ZNF475: variants seen among roughly 807,000 people sequenced by gnomAD.
The protein encoded by ZNF475 is zinc finger protein 475.
the ZNF475 span, among the ~76,000 whole-genome samples, chr5:122,179,088 T>A: frequency 6.6e-6 from 1 of 152,204 alleles, no homozygotes; most frequent in Non-Finnish European, 1.5e-5. Context: ...TCTGTTCCAT[T>A]GGTCTATATA....
chr5:122,160,611 G>A, the ZNF475 span, among the ~76,000 whole-genome samples: 1 of 152,114 alleles, frequency 6.6e-6, no homozygotes, highest in Non-Finnish European at 1.5e-5. Context: ...TTGCATTGGC[G>A]CTTCTGTATG....
chr5:122,168,147 C>T, the ZNF475 span, among the ~76,000 whole-genome samples: 6 of 152,288 alleles, frequency 3.9e-5, no homozygotes, highest in Admixed American at 2.6e-4. Context: ...CAGGTTCAAG[C>T]GATTCTCCCG....
At chr5:122,174,755 G>A in the ZNF475 span, among the ~76,000 whole-genome samples, 1 of 152,068 alleles carries the variant, frequency 6.6e-6, no homozygotes, top group African/African-American at 2.4e-5. Context: ...TATATGTGTG[G>A]TTAAATACTG....
chr5:122,177,649 G>A, the ZNF475 span, among the ~76,000 whole-genome samples: 3 of 151,872 alleles, frequency 2.0e-5, no homozygotes, highest in African/African-American at 7.3e-5. Context: ...AGGCTAGTGG[G>A]GATTTTTTTA....
chr5:122,161,177 T>C, the ZNF475 span, among the ~76,000 whole-genome samples: 1 of 152,234 alleles, frequency 6.6e-6, no homozygotes, highest in East Asian at 1.9e-4. Flanking sequence ...ATATTTACTT[T>C]ATAAGGTTGT....
the ZNF475 span, among the ~76,000 whole-genome samples, chr5:122,171,779 C>G: frequency 6.6e-6 from 1 of 151,414 alleles, no homozygotes; most frequent in Non-Finnish European, 1.5e-5. Context: ...CACACTGGTG[C>G]TCACAGTGGA....
chr5:122,168,830 C>T, the ZNF475 span, among the ~76,000 whole-genome samples: 1 of 152,216 alleles, frequency 6.6e-6, no homozygotes, highest in Non-Finnish European at 1.5e-5. Context: ...AAATTGCCCT[C>T]TCTCTATCCA....
the ZNF475 span, among the ~76,000 whole-genome samples, chr5:122,171,192 T>C: frequency 2.0e-5 from 3 of 152,146 alleles, no homozygotes; most frequent in Non-Finnish European, 4.4e-5. Context: ...AATAATTTAG[T>C]CTGCATTATT....
chr5:122,169,209 C>T, the ZNF475 span, among the ~76,000 whole-genome samples: 1 of 152,122 alleles, frequency 6.6e-6, no homozygotes, highest in Admixed American at 6.5e-5. Flanking sequence ...TGAGGGAGTT[C>T]TCCTCTCTCC....
chr5:122,163,634 T>C, the ZNF475 span, among the ~76,000 whole-genome samples: 2 of 152,202 alleles, frequency 1.3e-5, no homozygotes. Context: ...GAAACACTCA[T>C]TGATGGAATG....
chr5:122,161,392 G>A, the ZNF475 span, among the ~76,000 whole-genome samples: 13 of 152,232 alleles, frequency 8.5e-5, no homozygotes, highest in African/African-American at 2.9e-4. Flanking sequence ...CCATGTTAAA[G>A]CTTCAAGTAA....
At chr5:122,164,455 C>A in the ZNF475 span, among the ~76,000 whole-genome samples, 1 of 152,158 alleles carries the variant, frequency 6.6e-6, no homozygotes, top group Non-Finnish European at 1.5e-5. Flanking sequence ...TTGGGTAGAC[C>A]AGGTGAGATG....
the ZNF475 span, among the ~76,000 whole-genome samples, chr5:122,167,848 A>T: frequency 6.6e-6 from 1 of 152,212 alleles, no homozygotes; most frequent in African/African-American, 2.4e-5. Flanking sequence ...TCTACAGATT[A>T]GTTTGGATTT....
At chr5:122,177,931 TCTC>T in the ZNF475 span, among the ~76,000 whole-genome samples, 1 of 152,084 alleles carries the variant, frequency 6.6e-6, no homozygotes, top group East Asian at 1.9e-4. Flanking sequence ...TGTGTGATGT[TCTC>T]CTCCCCATGT....
chr5:122,166,982 C>G, the ZNF475 span, among the ~76,000 whole-genome samples: 2 of 152,210 alleles, frequency 1.3e-5, no homozygotes, highest in Non-Finnish European at 2.9e-5. Flanking sequence ...GTGTTTTAGA[C>G]ATGAAGTCCT....
At chr5:122,179,469 G>A in the ZNF475 span, 3 of 618,320 alleles carry the variant, frequency 4.9e-6, no homozygotes, top group East Asian at 3.0e-5. Flanking sequence ...TCCCTTGTAA[G>A]TTGTATTCCT....
At chr5:122,167,161 G>A in the ZNF475 span, among the ~76,000 whole-genome samples, 4 of 152,286 alleles carry the variant, frequency 2.6e-5, no homozygotes, top group African/African-American at 7.2e-5. Context: ...GAAACTGGTC[G>A]GTTATGTTTC....
chr5:122,165,761 CAAA>C, the ZNF475 span, among the ~76,000 whole-genome samples: 2 of 117,370 alleles, frequency 1.7e-5, no homozygotes, highest in African/African-American at 5.6e-5. Flanking sequence ...ATGCAACCTA[CAAA>C]AAAAAAAAAA....
chr5:122,173,447 CTATT>C, the ZNF475 span, among the ~76,000 whole-genome samples: 2 of 152,266 alleles, frequency 1.3e-5, no homozygotes, highest in African/African-American at 4.8e-5. Context: ...GATATTATGA[CTATT>C]TATTTCAATC....
Sources: gnomAD v4.1 joint callset for allele counts (sites outside exome capture counted in the v4.1 genomes callset) on GRCh38, gnomAD v4.1.1 for gene constraint, MANE v1.5 for transcripts, NCBI Gene and HGNC (gene_info 2026-07-23, HGNC 2026-07-21) for gene names.